IRAG1: variants seen among roughly 807,000 people sequenced by gnomAD.
IRAG1 encodes IP3R-associated cGMP kinase substrate.
IRAG1 carries 62 observed loss-of-function variants against 106.2 expected under a neutral mutation model. The ratio of observed to expected loss-of-function variants is 0.58; its 90% CI spans 0.48 to 0.72. IRAG1 has a LOEUF of 0.72. IRAG1 is among the 30% of genes least tolerant of loss of function. The pLI, the probability that IRAG1 is intolerant of heterozygous loss-of-function variation, is 0.00. For missense variants in IRAG1, 1,064 were observed against 1,140.7 expected (o/e 0.93, Z 0.97); for synonymous variants, 462 against 443.9 (o/e 1.04, Z -0.51).
At chr11:10,615,992 TA>T (rs1855380654) in intron 10 of IRAG1, among the ~76,000 whole-genome samples, 2 of 105,166 alleles carry the variant, frequency 1.9e-5, no homozygotes, top group African/African-American at 5.5e-5. Flanking sequence ...TTGTATAATA[TA>T]CTACGATTTA....
At chr11:10,656,280 G>A (rs1201157921) in intron 1 of IRAG1, among the ~76,000 whole-genome samples, 1 of 152,206 alleles carries the variant, frequency 6.6e-6, no homozygotes, top group Non-Finnish European at 1.5e-5. Context: ...GGGTTAGGTA[G>A]GCCAGTGCCA....
rs558833281 is a variant in IRAG1 at position 10,623,374 on chromosome 11, G to A, written c.1447+404C>T. Among the ~76,000 whole-genome samples, 13 of 152,352 alleles carry A rather than the reference G, an allele frequency of 8.5e-5. No homozygotes were observed. The East Asian group carries it at 2.3e-3, about 27-fold the overall frequency. On this transcript the variant is annotated intron_variant, in intron 10 of 20. Coordinates refer to ENST00000423302, the MANE Select transcript of IRAG1 (RefSeq NM_130385.4). The stretch of plus-strand genomic sequence containing the variant: ...AGAGGCTTGGAGGAAGGGGCCTGCA[G>A]CTACCCAGCAGGGCAGGGCTGGGGT...
intron 1 of IRAG1, among the ~76,000 whole-genome samples, chr11:10,658,116 C>A (rs780592031): frequency 2.5e-4 from 38 of 152,346 alleles, no homozygotes; most frequent in Admixed American, 2.6e-4. Flanking sequence ...GGATGCTCCC[C>A]ACAGGAGATC....
At position 10,655,378 on chromosome 11, in the gene IRAG1, G is replaced by T. The variant is rs181686377; in HGVS notation, c.68-3196C>A. On this transcript the variant is annotated intron_variant, in intron 1 of 20. Transcript: ENST00000423302. Reference sequence around the variant, plus strand: ...AGAACTTTAGCCCGGAGAAGAGGAAGTGCAGGGAGAAATAAAAATCTCTTC... The same window carrying T: ...AGAACTTTAGCCCGGAGAAGAGGAATTGCAGGGAGAAATAAAAATCTCTTC... 4.1e-3 allele frequency among the ~76,000 whole-genome samples: 625 copies of T among 152,318 alleles called. 4 individuals are homozygous for T. Among genetic ancestry groups the T allele is most frequent in the Middle Eastern group, 0.014 (4 of 294 alleles).
Position 10,593,413 on chromosome 11 carries a change from C to T in IRAG1, c.2175+79G>A, listed in dbSNP as rs1335473895. 2.0e-5 allele frequency: 25 copies of T among 1,242,276 alleles called. No homozygotes were observed. The East Asian group carries it at 6.1e-4, about 30-fold the overall frequency. The allele number at this position is 1,242,276 out of a possible 1,614,324, so 77.0% of individuals were successfully genotyped here. A position where few individuals can be genotyped will look rare whatever the true frequency, so the allele number is the denominator to read the frequency against. On this transcript the variant is annotated intron_variant, in intron 17 of 20. Transcript: ENST00000423302. ...GTTGACCCTGCCCCCATTTGGTCAC[C>T]CTCCCTGCCCTAGGACTGAGTACGA...
chr11:10,629,768 G>A, intron 4 of IRAG1, 57 bp from the exon 5 acceptor site: 1 of 1,557,360 alleles, frequency 6.4e-7, no homozygotes. Context: ...CCCAGGCTGA[G>A]GTCATGCCAT....
At chr11:10,583,233 G>T (rs1212383421) in intron 18 of IRAG1, among the ~76,000 whole-genome samples, 2 of 152,198 alleles carry the variant, frequency 1.3e-5, no homozygotes, top group African/African-American at 4.8e-5. Flanking sequence ...AGACAAGATT[G>T]CTTAGGGAGA....
intron 8 of IRAG1, among the ~76,000 whole-genome samples, chr11:10,627,162 C>T (rs75948089): frequency 0.03 from 4,534 of 152,206 alleles, 241 homozygotes; most frequent in African/African-American, 0.1. Context: ...GTGAGCAGCA[C>T]GTGGGTCTGG....
intron 18 of IRAG1, among the ~76,000 whole-genome samples, chr11:10,586,638 G>A (rs538104265): frequency 4.6e-5 from 7 of 152,004 alleles, no homozygotes; most frequent in African/African-American, 1.5e-4. Flanking sequence ...GGCTGGTCTC[G>A]AACTCCTGGC....
rs368203614 is a variant in IRAG1, at chr11:10,687,182, T to G, written c.67+6354A>C. ...AGCCTCGGCCCTGCCTGTCTCTCACTAGGGCAGGACACAAGTCTTGCCAGG... is the reference window on the plus strand; with the variant it reads ...AGCCTCGGCCCTGCCTGTCTCTCACGAGGGCAGGACACAAGTCTTGCCAGG... On this transcript the variant is annotated intron_variant, in intron 1 of 20. Coordinates refer to ENST00000423302, the MANE Select transcript of IRAG1 (RefSeq NM_130385.4). Among the ~76,000 whole-genome samples, 566 of 152,322 alleles carry G rather than the reference T, an allele frequency of 3.7e-3. 4 individuals are homozygous for G. The highest frequency in any genetic ancestry group is 0.013 in the African/African-American group (538 of 41,568).
chr11:10,612,272 G>A (rs986635519), intron 10 of IRAG1, among the ~76,000 whole-genome samples: 1 of 152,164 alleles, frequency 6.6e-6, no homozygotes, highest in Non-Finnish European at 1.5e-5. Flanking sequence ...CTAAATTGGT[G>A]AAACAATCTG....
At chr11:10,661,738 T>C (rs1241202528) in intron 1 of IRAG1, among the ~76,000 whole-genome samples, 1 of 152,196 alleles carries the variant, frequency 6.6e-6, no homozygotes, top group African/African-American at 2.4e-5. Context: ...ATGATTACAT[T>C]GAACCCGCTC....
At chr11:10,621,100 A>C (rs1051456481) in intron 10 of IRAG1, among the ~76,000 whole-genome samples, 69 of 152,190 alleles carry the variant, frequency 4.5e-4, no homozygotes, top group African/African-American at 1.5e-3. Context: ...GTGAAATTTT[A>C]AAGTGTTTTT....
intron 10 of IRAG1, among the ~76,000 whole-genome samples, chr11:10,623,311 T>C (rs1591626887): frequency 6.6e-6 from 1 of 151,838 alleles, no homozygotes; most frequent in African/African-American, 2.4e-5. Context: ...AGAACCATTT[T>C]CCCCGCCATG....
chr11:10,587,447 C>T (rs59688815), intron 18 of IRAG1, among the ~76,000 whole-genome samples: 19 of 152,130 alleles, frequency 1.2e-4, no homozygotes, highest in Admixed American at 3.9e-4. Context: ...ACCTGGGGTC[C>T]GCCACAAGTT....
chr11:10,651,622 A>G (rs1012059596), intron 2 of IRAG1, among the ~76,000 whole-genome samples: 1 of 152,184 alleles, frequency 6.6e-6, no homozygotes, highest in African/African-American at 2.4e-5. Flanking sequence ...GCTATTTACT[A>G]TACAATTTTG....
At chr11:10,620,535 A>C (rs1280489696) in intron 10 of IRAG1, among the ~76,000 whole-genome samples, 1 of 152,204 alleles carries the variant, frequency 6.6e-6, no homozygotes, top group Non-Finnish European at 1.5e-5. Context: ...AAACAAAGTG[A>C]CTATTTTAAC....
rs538422690 is a variant in IRAG1, at chr11:10,574,587, A to G, written c.*1745T>C. ...AGGAGTATGGAAGGAAGGTCATCAA[A>G]GCTGGTATGGAGGGGATAATTTTTG... On this transcript the variant is annotated 3_prime_UTR_variant, in exon 21 of 21. Coordinates refer to ENST00000423302, the MANE Select transcript of IRAG1 (RefSeq NM_130385.4). The G allele has an allele frequency of 2.0e-5, 3 of 152,336 alleles. No homozygotes were observed. In the South Asian group the frequency reaches 6.2e-4, roughly 32 times the overall value. The allele number at this position is 152,336 out of a possible 1,614,324, so 9.4% of individuals were successfully genotyped here. A position where few individuals can be genotyped will look rare whatever the true frequency, so the allele number is the denominator to read the frequency against.
intron 8 of IRAG1, 78 bp downstream of exon 8, chr11:10,627,638 C>T: frequency 1.3e-6 from 2 of 1,545,726 alleles, no homozygotes. Flanking sequence ...TGAAGGCTGC[C>T]CAGGAGCCAG....
Sources: allele counts gnomAD v4.1 joint callset (sites outside exome capture counted in the v4.1 genomes callset), GRCh38; gene constraint gnomAD v4.1.1; transcripts MANE v1.5; gene names NCBI Gene and HGNC (gene_info 2026-07-23, HGNC 2026-07-21).